Variants in HACD3 observed in about 807,000 individuals in gnomAD.
HACD3 encodes the protein very-long-chain (3R)-3-hydroxyacyl-CoA dehydratase 3.
Under a neutral mutation model 55.2 loss-of-function variants are expected in HACD3, and 30 were observed. The observed-to-expected ratio is 0.54, with a 90% CI of 0.41 to 0.74. HACD3 has a LOEUF of 0.74. Among genes scored for constraint, HACD3 ranks in the 30% least tolerant of loss-of-function variants. HACD3 has a pLI of 0.00. For missense variants in HACD3, 363 were observed against 440.1 expected (o/e 0.82, Z 1.57); for synonymous variants, 141 against 151.7 (o/e 0.93, Z 0.52).
chr15:65,530,675 G>C lies in HACD3; in HGVS notation c.44G>C (p.Arg15Pro), dbSNP rs1479877122. Reference protein sequence around the residue: ...VLTPHVYWAQRHRELYLRVEL... With the variant: ...VLTPHVYWAQPHRELYLRVEL... ...ACGCCGCATGTCTACTGGGCTCAGC[G>C]ACACCGCGAGCTATATCTGCGCGTG... Residue 15 changes from arginine to proline, a missense_variant, in exon 1 of 11, where the codon CGA becomes CCA. By Grantham distance (103) the Arg-to-Pro change is moderately radical. Coordinates refer to ENST00000261875, the MANE Select transcript of HACD3 (RefSeq NM_016395.4). 1.9e-6 allele frequency: 3 copies of C among 1,581,300 alleles called. No individual in the cohort carries two copies. The highest frequency in any genetic ancestry group is 2.6e-6 in the Non-Finnish European group (3 of 1,164,896).
intron 1 of HACD3, among the ~76,000 whole-genome samples, chr15:65,550,531 A>G (rs1315671291): frequency 6.6e-6 from 1 of 152,258 alleles, no homozygotes; most frequent in Non-Finnish European, 1.5e-5. Flanking sequence ...CCACAGGGAA[A>G]CTTGCAGGTC....
At chr15:65,574,884 C>T (rs1398867681) in intron 10 of HACD3, among the ~76,000 whole-genome samples, 1 of 152,040 alleles carries the variant, frequency 6.6e-6, no homozygotes, top group Admixed American at 6.6e-5. Flanking sequence ...TATAACTAGG[C>T]CCCATGAAAT....
At chr15:65,564,084 A>T in intron 6 of HACD3, 131 bp from the exon 7 acceptor site, 1 of 1,174,540 alleles carries the variant, frequency 8.5e-7, no homozygotes, top group Non-Finnish European at 1.2e-6. Flanking sequence ...TAAGTAAGAA[A>T]CTTGAATCTG....
In HACD3 at chr15:65,576,565, G is replaced by C. The variant is rs1157340176; in HGVS notation, c.*186G>C. ...CTTATTGTAGTACTTGCATGACATG[G>C]ATTCCTGATATCTGATGAGAGGTTC... is the stretch of plus-strand genomic sequence containing the variant. On this transcript the variant is annotated 3_prime_UTR_variant, in exon 11 of 11. Coordinates refer to ENST00000261875, the MANE Select transcript of HACD3 (RefSeq NM_016395.4). 1 of 658,806 alleles carries C rather than the reference G, an allele frequency of 1.5e-6. No homozygotes were observed. The highest frequency in any genetic ancestry group is 2.5e-6 in the Non-Finnish European group (1 of 396,922). 40.8% of individuals were successfully genotyped at this position (658,806 alleles called of 1,614,324 possible). A position where few individuals can be genotyped will look rare whatever the true frequency, so the allele number is the denominator to read the frequency against.
intron 1 of HACD3, chr15:65,535,697 A>G: frequency 2.2e-6 from 1 of 459,204 alleles, no homozygotes; most frequent in Non-Finnish European, 3.9e-6. Flanking sequence ...TTTGATGTTA[A>G]CTTTTTTTTT....
At chr15:65,533,847 C>T (rs1415107810) in intron 1 of HACD3, among the ~76,000 whole-genome samples, 2 of 151,334 alleles carry the variant, frequency 1.3e-5, no homozygotes, top group South Asian at 2.1e-4. Context: ...GTCAGGAGAT[C>T]GAGACCATCC....
At chr15:65,535,246 A>C (rs2071943146) in intron 1 of HACD3, among the ~76,000 whole-genome samples, 1 of 152,236 alleles carries the variant, frequency 6.6e-6, no homozygotes, top group Admixed American at 6.5e-5. Flanking sequence ...AAAGACAAAG[A>C]TTGGCACATT....
chr15:65,556,962 T>G, intron 4 of HACD3, 59 bp downstream of exon 4: 1 of 1,478,154 alleles, frequency 6.8e-7, no homozygotes, highest in South Asian at 1.3e-5. Context: ...CCCACGTTAT[T>G]CAGGCCACTT....
chr15:65,537,951 AAAAAAAAATATATATAT>A (rs1403289294), intron 1 of HACD3, among the ~76,000 whole-genome samples: 34 of 19,552 alleles, frequency 1.7e-3, no homozygotes, highest in African/African-American at 4.4e-3. Context: ...AAAAAAAAAA[AAAAAAAAATATATATAT>A]ATATATATAT....
At chr15:65,541,843 A>C (rs1267384253) in intron 1 of HACD3, among the ~76,000 whole-genome samples, 1 of 152,210 alleles carries the variant, frequency 6.6e-6, no homozygotes, top group Non-Finnish European at 1.5e-5. Context: ...GGTCTTTATG[A>C]GCTGATAAGG....
intron 1 of HACD3, among the ~76,000 whole-genome samples, chr15:65,533,847 C>G (rs1415107810): frequency 1.3e-5 from 2 of 151,334 alleles, no homozygotes. Context: ...GTCAGGAGAT[C>G]GAGACCATCC....
intron 8 of HACD3, among the ~76,000 whole-genome samples, 163 bp from the exon 9 acceptor site, chr15:65,571,385 C>A (rs950756741): frequency 1.3e-5 from 2 of 152,084 alleles, no homozygotes; most frequent in East Asian, 3.8e-4. Flanking sequence ...AAATTTAGGG[C>A]GCAGTGTGGC....
intron 1 of HACD3, among the ~76,000 whole-genome samples, chr15:65,533,674 T>C (rs1399099922): frequency 6.6e-6 from 1 of 151,420 alleles, no homozygotes; most frequent in Admixed American, 6.6e-5. Flanking sequence ...CTTTTTTTTT[T>C]CTTTCTCAAC....
intron 3 of HACD3, among the ~76,000 whole-genome samples, chr15:65,555,504 G>C (rs908374294): frequency 6.6e-6 from 1 of 152,182 alleles, no homozygotes; most frequent in Non-Finnish European, 1.5e-5. Context: ...AGCAGGGAGA[G>C]AATCCAATAG....
intron 7 of HACD3, chr15:65,565,747 A>C (rs1380399528): frequency 6.6e-6 from 1 of 152,218 alleles, no homozygotes; most frequent in African/African-American, 2.4e-5. Flanking sequence ...CTTGGGGATT[A>C]CATTGGGGAT....
Position 65,571,627 on chromosome 15 carries a change from T to G in HACD3, c.853T>G (p.Leu285Val). The change falls in exon 9 of 11, where the codon TTA becomes GTA. Residue 285 changes from leucine (L) to valine (V), a missense_variant. By Grantham distance (32) the Leu-to-Val change is conservative (BLOSUM62 1). Transcript: ENST00000261875. ...GCTTCGTTACACTCTGTGGATTCCC[T>G]TATATCCACTGGGATGTTTGGCGGA... ...TWLRYTLWIP[L>V]YPLGCLAEAV... 1 of 1,613,234 alleles carries G rather than the reference T, an allele frequency of 6.2e-7. No homozygotes were observed. Among genetic ancestry groups the G allele is most frequent in the Non-Finnish European group, 8.5e-7 (1 of 1,179,212 alleles).
chr15:65,567,146 G>T (rs559120251), intron 7 of HACD3, among the ~76,000 whole-genome samples: 1 of 151,944 alleles, frequency 6.6e-6, no homozygotes, highest in African/African-American at 2.4e-5. Flanking sequence ...AGCATAGTGA[G>T]ACCCCATTTC....
chr15:65,543,464 A>C (rs423928), intron 1 of HACD3, among the ~76,000 whole-genome samples: 1 of 151,970 alleles, frequency 6.6e-6, no homozygotes, highest in Non-Finnish European at 1.5e-5. Flanking sequence ...TTGGGATAAA[A>C]CAAATATATA....
intron 7 of HACD3, among the ~76,000 whole-genome samples, chr15:65,568,878 A>G (rs2072319685): frequency 6.6e-6 from 1 of 152,202 alleles, no homozygotes; most frequent in South Asian, 2.1e-4. Context: ...GATATCTATG[A>G]AGAATAGAAT....
Sources: allele counts gnomAD v4.1 joint callset (sites outside exome capture counted in the v4.1 genomes callset), GRCh38; gene constraint gnomAD v4.1.1; transcripts MANE v1.5; gene names NCBI Gene and HGNC (gene_info 2026-07-23, HGNC 2026-07-21).